The following UGT1A3 variants were observed in gnomAD, a reference collection of about 807,000 sequenced individuals.
UGT1A3 encodes the protein UDP glucuronosyltransferase family 1 member A3.
In UGT1A3, 31 loss-of-function variants were observed where a neutral mutation model predicts 41.0. That is an observed-to-expected ratio of 0.76 (90% CI 0.57 to 1.02). The LOEUF is 1.02. Among genes scored for constraint, UGT1A3 ranks in the 50% least tolerant of loss-of-function variants. The pLI is 0.00. For missense variants in UGT1A3, 737 were observed against 671.0 expected (o/e 1.10, Z -1.09); for synonymous variants, 262 against 257.6 (o/e 1.02, Z -0.17).
At chr2:233,751,762 G>A (rs888611090) in intron 1 of UGT1A3, among the ~76,000 whole-genome samples, 16 of 152,160 alleles carry the variant, frequency 1.1e-4, no homozygotes, top group Non-Finnish European at 2.1e-4. Context: ...TGCCATGTGA[G>A]ACATGACTTT....
chr2:233,768,519 G>A, intron 4 of UGT1A3, 80 bp downstream of exon 4: 2 of 1,531,284 alleles, frequency 1.3e-6, no homozygotes, highest in Non-Finnish European at 1.8e-6. Flanking sequence ...CATTTACGTA[G>A]CATTTAATAG....
Position 233,745,045 on chromosome 2 carries a change from G to C in UGT1A3, c.867+15052G>C, listed in dbSNP as rs1692994086. Among the ~76,000 whole-genome samples the C allele has an allele frequency of 2.0e-5, 3 of 151,744 alleles. No homozygotes were observed. In the South Asian group the frequency reaches 6.2e-4, roughly 32 times the overall value. ...ATGTAAATAGTTGTTTTACAGTATT[G>C]GTTTTTTATTTGTATTATTTGTATT... On this transcript the variant is annotated intron_variant, in intron 1 of 4. Coordinates refer to ENST00000482026, the MANE Select transcript of UGT1A3 (RefSeq NM_019093.4).
In UGT1A3 at chr2:233,755,096, G is replaced by C. The variant is rs62191920; in HGVS notation, c.868-11938G>C. 1.4e-3 allele frequency: 1,898 copies of C among 1,334,450 alleles called. 9 individuals are homozygous for C. The highest frequency in any genetic ancestry group is 1.7e-3 in the Non-Finnish European group (1,703 of 992,024). 82.7% of individuals were successfully genotyped at this position (1,334,450 alleles called of 1,614,324 possible). A position where few individuals can be genotyped will look rare whatever the true frequency, so the allele number is the denominator to read the frequency against. ...GGTCATAGATATCGCGTTTCTACGC[G>C]TCCGACAACACCTCGTAGGCCTCAG... On this transcript the variant is annotated intron_variant, in intron 1 of 4. Transcript: ENST00000482026.
chr2:233,760,825 G>C lies in UGT1A3; in HGVS notation c.868-6209G>C, dbSNP rs1657628450. The C allele has an allele frequency of 2.5e-6, 4 of 1,613,330 alleles. No homozygotes were observed. The Admixed American group carries it at 5.0e-5, about 20-fold the overall frequency. On this transcript the variant is annotated intron_variant, in intron 1 of 4. Coordinates refer to ENST00000482026, the MANE Select transcript of UGT1A3 (RefSeq NM_019093.4). ...CTTGCATGCACTGCCATGCAGCCTG[G>C]AATTTGAGGCTACCCAGTGCCCCAA...
rs570829500 is a variant in UGT1A3, at chr2:233,743,629, T to G, written c.867+13636T>G. 70 of 1,367,302 alleles carry G rather than the reference T, an allele frequency of 5.1e-5. 1 individual carries two copies. The highest frequency in any genetic ancestry group is 2.7e-4 in the East Asian group (6 of 21,984). The allele number at this position is 1,367,302 out of a possible 1,614,324, so 84.7% of individuals were successfully genotyped here. The stretch of plus-strand genomic sequence containing the variant: ...CGAAGAACTCCCTGAAGACGTCGGC[T>G]GGGTCGCGGAAGCTGAAGACGTACT... On this transcript the variant is annotated intron_variant, in intron 1 of 4. Transcript: ENST00000482026.
Position 233,760,303 on chromosome 2 carries a change from C to T in UGT1A3, c.868-6731C>T, listed in dbSNP as rs2125982207. ...CAAAGGCGCCATGGCTGTGGAGTCC[C>T]AGGGCGGACGCCCACTTGTCCTGGG... On this transcript the variant is annotated intron_variant, in intron 1 of 4. Coordinates refer to ENST00000482026, the MANE Select transcript of UGT1A3 (RefSeq NM_019093.4). 2 of 1,613,696 alleles carry T rather than the reference C, an allele frequency of 1.2e-6. No individual in the cohort carries two copies. Among genetic ancestry groups the T allele is most frequent in the South Asian group, 1.1e-5 (1 of 91,060 alleles).
rs1402956787 is a variant in UGT1A3 at position 233,772,421 on chromosome 2, C to T, written c.1467C>T (p.Ser489=). 4.3e-6 allele frequency: 7 copies of T among 1,614,232 alleles called. No individual in the cohort carries two copies. The highest frequency in any genetic ancestry group is 1.6e-4 in the Middle Eastern group (1 of 6,062). ...AHDLTWYQYH[S]LDVIGFLLAV... ...ACCTCACCTGGTACCAGTACCATTC[C>T]TTGGACGTGATTGGTTTCCTCTTGG... Residue 489 remains serine (S), a synonymous_variant, in exon 5 of 5, where the codon TCC becomes TCT. Transcript: ENST00000482026.
chr2:233,736,518 C>T (rs567664154), intron 1 of UGT1A3, among the ~76,000 whole-genome samples: 3 of 152,304 alleles, frequency 2.0e-5, no homozygotes, highest in Admixed American at 1.3e-4. Context: ...TCTGTCAACT[C>T]GTCAAAGTCA....
At position 233,758,345 on chromosome 2, in the gene UGT1A3, T is replaced by G. The variant is rs2125964411; in HGVS notation, c.868-8689T>G. Among the ~76,000 whole-genome samples, 4 of 152,362 alleles carry G rather than the reference T, an allele frequency of 2.6e-5. 1 individual carries two copies. In the Middle Eastern group the frequency reaches 0.01, roughly 389 times the overall value. On this transcript the variant is annotated intron_variant, in intron 1 of 4. Transcript: ENST00000482026. ...CCTCAAAAAGCTTGGAAGCTCTGCA[T>G]GATGCAGGAAAGTCATAAAATCATT...
chr2:233,730,566 G>A (rs1350125224), intron 1 of UGT1A3, among the ~76,000 whole-genome samples: 2 of 152,136 alleles, frequency 1.3e-5, no homozygotes, highest in African/African-American at 2.4e-5. Flanking sequence ...AATGACACAC[G>A]AAGTTCAGTT....
intron 1 of UGT1A3, chr2:233,755,945 TC>T (rs1469845586): frequency 6.6e-6 from 1 of 152,216 alleles, no homozygotes; most frequent in African/African-American, 2.4e-5. Context: ...TTTGCATCTC[TC>T]TCTTTAGTAC....
At chr2:233,767,818 C>T (rs766005162) in intron 2 of UGT1A3, 31 bp from the exon 3 acceptor site, 60 of 1,614,028 alleles carry the variant, frequency 3.7e-5, no homozygotes, top group Non-Finnish European at 4.5e-5. Context: ...TATGTTCTTT[C>T]TTTACGTTCT....
At position 233,767,025 on chromosome 2, in the gene UGT1A3, T is replaced by G. The variant is rs1345213013; in HGVS notation, c.868-9T>G. ...AAAAATTAACTGAAAATTTTTCTTC[T>G]GGCTCTAGGAATTTGAAGCCTACAT... On this transcript the variant is annotated splice_polypyrimidine_tract_variant and intron_variant, in intron 1 of 4. Coordinates refer to ENST00000482026, the MANE Select transcript of UGT1A3 (RefSeq NM_019093.4). The G allele has an allele frequency of 6.2e-7, 1 of 1,614,030 alleles. No individual in the cohort carries two copies. The highest frequency in any genetic ancestry group is 8.5e-7 in the Non-Finnish European group (1 of 1,180,008).
At chr2:233,747,619 C>T (rs988412052) in intron 1 of UGT1A3, 2 of 1,575,824 alleles carry the variant, frequency 1.3e-6, no homozygotes, top group Admixed American at 1.7e-5. Flanking sequence ...CATAATGAGG[C>T]CCTGATCAGG....
At chr2:233,748,253 G>T (rs1389891866) in intron 1 of UGT1A3, among the ~76,000 whole-genome samples, 3 of 151,736 alleles carry the variant, frequency 2.0e-5, no homozygotes, top group Non-Finnish European at 2.9e-5. Flanking sequence ...CGTATTTCAG[G>T]TTTTAAATGG....
chr2:233,765,693 A>AAAT (rs1266056248), intron 1 of UGT1A3, among the ~76,000 whole-genome samples: 1 of 147,310 alleles, frequency 6.8e-6, no homozygotes, highest in African/African-American at 2.6e-5. Context: ...AACTTCAAGT[A>AAAT]AATAATAATA....
At chr2:233,766,917 A>C (rs993857330) in intron 1 of UGT1A3, 117 bp from the exon 2 acceptor site, 136 of 1,547,100 alleles carry the variant, frequency 8.8e-5, no homozygotes, top group Admixed American at 4.9e-4. Flanking sequence ...CTCTATCTCA[A>C]ACACGCATGC....
chr2:233,742,752 T>C (rs1692089245), intron 1 of UGT1A3: 2 of 152,902 alleles, frequency 1.3e-5, no homozygotes, highest in Admixed American at 1.3e-4. Flanking sequence ...CTCCAAAATA[T>C]TAAGATAATA....
At chr2:233,758,626 C>T (rs1184924928) in intron 1 of UGT1A3, among the ~76,000 whole-genome samples, 3 of 152,058 alleles carry the variant, frequency 2.0e-5, no homozygotes, top group Admixed American at 6.5e-5. Flanking sequence ...ATGCAAAGTA[C>T]CTACTCTAAG....
Sources: gnomAD v4.1 joint callset for allele counts (sites outside exome capture counted in the v4.1 genomes callset) on GRCh38, gnomAD v4.1.1 for gene constraint, MANE v1.5 for transcripts, NCBI Gene and HGNC (gene_info 2026-07-23, HGNC 2026-07-21) for gene names.